Variants in PDE5A observed in about 807,000 individuals in gnomAD.
The protein encoded by PDE5A is cGMP-specific 3',5'-cyclic phosphodiesterase.
A neutral mutation model predicts 110.2 loss-of-function variants in PDE5A; 67 were observed. The ratio of observed to expected loss-of-function variants is 0.61; its 90% CI spans 0.50 to 0.75. PDE5A has a LOEUF of 0.75. Among genes scored for constraint, PDE5A ranks in the 30% least tolerant of loss-of-function variants. PDE5A has a pLI of 0.00. For missense variants in PDE5A, 862 were observed against 1,045.1 expected, an observed-to-expected ratio of 0.82 and a Z score of 2.42; for synonymous variants, 328 against 351.2, an observed-to-expected ratio of 0.93 and a Z score of 0.74.
chr4:119,560,200 G>A, intron 7 of PDE5A, 96 bp downstream of exon 7: 1 of 696,022 alleles, frequency 1.4e-6, no homozygotes, highest in South Asian at 2.0e-5. Context: ...AAAATAATCT[G>A]TAGCTTATAT....
chr4:119,553,784 T>TA (rs560265803), intron 7 of PDE5A, 38 bp from the exon 8 acceptor site: 61 of 1,040,236 alleles, frequency 5.9e-5, no homozygotes, highest in Middle Eastern at 2.0e-4. Context: ...TCTGTGCAGT[T>TA]AAAAAAAAGC....
intron 9 of PDE5A, among the ~76,000 whole-genome samples, chr4:119,546,558 G>T (rs1727135700): frequency 6.6e-6 from 1 of 151,718 alleles, no homozygotes; most frequent in Non-Finnish European, 1.5e-5. Context: ...TTTCTGAAAG[G>T]GCAATAACCA....
Position 119,628,799 on chromosome 4 carries a change from T to A in PDE5A, c.-128A>T. ...TCGTCCTGCTCCAGTCGGGCCGGCT[T>A]TCGACAAAGCGGCCGGAGCGCCAGG... On this transcript the variant is annotated 5_prime_UTR_variant, in exon 1 of 21. Coordinates refer to ENST00000354960, the MANE Select transcript of PDE5A (RefSeq NM_001083.4). The A allele has an allele frequency of 9.1e-6, 13 of 1,425,810 alleles. No homozygotes were observed. Among genetic ancestry groups the A allele is most frequent in the Non-Finnish European group, 1.2e-5 (13 of 1,046,664 alleles). 88.3% of individuals were successfully genotyped at this position (1,425,810 alleles called of 1,614,324 possible).
At chr4:119,508,960 T>C (rs1248578768) in intron 15 of PDE5A, among the ~76,000 whole-genome samples, 1 of 152,002 alleles carries the variant, frequency 6.6e-6, no homozygotes, top group Non-Finnish European at 1.5e-5. Context: ...GGTCAGTTGA[T>C]AGGAATACTG....
intron 3 of PDE5A, among the ~76,000 whole-genome samples, chr4:119,588,435 C>T (rs558102614): frequency 1.3e-5 from 2 of 151,658 alleles, no homozygotes; most frequent in Admixed American, 1.3e-4. Flanking sequence ...CCTTAGCCTC[C>T]CAAAGTGCTT....
chr4:119,528,115 T>A (rs1726394313), intron 11 of PDE5A, among the ~76,000 whole-genome samples: 1 of 152,054 alleles, frequency 6.6e-6, no homozygotes, highest in Non-Finnish European at 1.5e-5. Flanking sequence ...AACAATTTGA[T>A]GGTATATGTA....
chr4:119,559,459 G>C (rs566392211), intron 7 of PDE5A, among the ~76,000 whole-genome samples: 1 of 152,016 alleles, frequency 6.6e-6, no homozygotes, highest in Non-Finnish European at 1.5e-5. Flanking sequence ...TGGAGGTAAA[G>C]GTAAATATAT....
chr4:119,528,534 TAAAAG>T (rs1054540588), intron 11 of PDE5A, among the ~76,000 whole-genome samples: 9 of 152,092 alleles, frequency 5.9e-5, no homozygotes, highest in African/African-American at 1.9e-4. Context: ...AACAGAAACT[TAAAAG>T]GAAGGTGAAG....
intron 10 of PDE5A, among the ~76,000 whole-genome samples, chr4:119,542,252 T>C (rs1014399510): frequency 6.6e-6 from 1 of 152,198 alleles, no homozygotes; most frequent in African/African-American, 2.4e-5. Flanking sequence ...GGTTTGGTTA[T>C]ATGACATTTG....
Position 119,525,494 on chromosome 4 carries a change from A to G in PDE5A, c.1779+55T>C, listed in dbSNP as rs1198602161. Reference sequence around the variant, plus strand: ...GCATTCAAAACCAATTCTCTCTCTTACATACACACACACATACACATAGAC... The same window carrying G: ...GCATTCAAAACCAATTCTCTCTCTTGCATACACACACACATACACATAGAC... On this transcript the variant is annotated intron_variant, in intron 12 of 20. Coordinates refer to ENST00000354960, the MANE Select transcript of PDE5A (RefSeq NM_001083.4). The surrounding 1 kb of genome is among the most constrained non-coding windows in gnomAD (Gnocchi z 4.3). 1 of 1,515,988 alleles carries G rather than the reference A, an allele frequency of 6.6e-7. No homozygotes were observed. The highest frequency in any genetic ancestry group is 1.9e-5 in the Admixed American group (1 of 52,712). The allele number at this position is 1,515,988 out of a possible 1,614,324, so 93.9% of individuals were successfully genotyped here.
intron 14 of PDE5A, among the ~76,000 whole-genome samples, chr4:119,518,372 T>G (rs112414480): frequency 0.025 from 3,735 of 152,308 alleles, 59 homozygotes; most frequent in South Asian, 0.051. Context: ...AAATGCCACT[T>G]AAGTATGGCT....
intron 1 of PDE5A, among the ~76,000 whole-genome samples, chr4:119,612,545 T>G (rs534376456): frequency 6.6e-6 from 1 of 152,312 alleles, no homozygotes; most frequent in East Asian, 1.9e-4. Context: ...CTGTAAAGCC[T>G]GCAGAATCAT....
chr4:119,531,655 A>G (rs1286580757), intron 11 of PDE5A, among the ~76,000 whole-genome samples: 1 of 152,138 alleles, frequency 6.6e-6, no homozygotes, highest in Non-Finnish European at 1.5e-5. Context: ...TCATAGGAAC[A>G]TAAAGATTTC....
chr4:119,582,788 G>C (rs905850354), intron 3 of PDE5A, among the ~76,000 whole-genome samples: 3 of 152,210 alleles, frequency 2.0e-5, no homozygotes, highest in African/African-American at 7.2e-5. Flanking sequence ...TACTGTCACA[G>C]AGCAGTAATA....
chr4:119,566,116 C>T (rs1727924588), intron 4 of PDE5A, among the ~76,000 whole-genome samples: 1 of 151,896 alleles, frequency 6.6e-6, no homozygotes, highest in South Asian at 2.1e-4. Context: ...TAATGGAATT[C>T]AAAGCCAATC....
At chr4:119,563,611 T>C (rs1727821069) in intron 5 of PDE5A, among the ~76,000 whole-genome samples, 1 of 152,098 alleles carries the variant, frequency 6.6e-6, no homozygotes, top group Non-Finnish European at 1.5e-5. Flanking sequence ...GCAAAAATAA[T>C]AGAATTCAGA....
intron 3 of PDE5A, among the ~76,000 whole-genome samples, chr4:119,573,527 A>C (rs1481194821): frequency 2.6e-5 from 4 of 152,116 alleles, no homozygotes; most frequent in Non-Finnish European, 5.9e-5. Flanking sequence ...CATTTTAGTT[A>C]TGGTTTTGGG....
intron 2 of PDE5A, among the ~76,000 whole-genome samples, chr4:119,600,668 C>T (rs1729314043): frequency 6.6e-6 from 1 of 151,990 alleles, no homozygotes. Context: ...AATAAGAGAA[C>T]ATAATTGACT....
At chr4:119,561,314 G>A (rs1241459750) in intron 6 of PDE5A, among the ~76,000 whole-genome samples, 1 of 152,186 alleles carries the variant, frequency 6.6e-6, no homozygotes, top group South Asian at 2.1e-4. Flanking sequence ...TGTTGTTGAT[G>A]TACTTTTAAA....
Sources: allele counts gnomAD v4.1 joint callset (sites outside exome capture counted in the v4.1 genomes callset), GRCh38; gene constraint gnomAD v4.1.1; non-coding constraint Gnocchi (gnomAD v3.1); transcripts MANE v1.5; gene names NCBI Gene and HGNC (gene_info 2026-07-23, HGNC 2026-07-21).